RUSC2: variants seen among roughly 807,000 people sequenced by gnomAD.
The protein encoded by RUSC2 is RUN and SH3 domain containing 2.
RUSC2 carries 34 observed loss-of-function variants against 122.2 expected under a neutral mutation model. The observed-to-expected ratio is 0.28, with a 90% confidence interval of 0.21 to 0.37. RUSC2 has a LOEUF of 0.37. Among genes scored for constraint, RUSC2 ranks in the 10% least tolerant of loss-of-function variants. RUSC2 has a pLI of 1.00. For missense variants in RUSC2, 1,747 were observed against 1,952.4 expected, an observed-to-expected ratio of 0.89 and a Z score of 1.98; for synonymous variants, 784 against 790.0, an observed-to-expected ratio of 0.99 and a Z score of 0.13.
At chr9:35,528,649 G>A (rs1412880878) in intron 1 of RUSC2, among the ~76,000 whole-genome samples, 2 of 151,962 alleles carry the variant, frequency 1.3e-5, no homozygotes, top group South Asian at 2.1e-4. Context: ...TAGGACCATA[G>A]GCATGTGCCA....
At chr9:35,551,169 T>C (rs1821886073) in intron 2 of RUSC2, among the ~76,000 whole-genome samples, 2 of 151,990 alleles carry the variant, frequency 1.3e-5, no homozygotes, top group African/African-American at 4.8e-5. Flanking sequence ...AGAAATCACC[T>C]AAGATAATGA....
chr9:35,555,246 T>C lies in RUSC2; in HGVS notation c.2201T>C (p.Leu734Pro). The C allele has an allele frequency of 6.2e-7, 1 of 1,613,182 alleles. No individual in the cohort carries two copies. The highest frequency in any genetic ancestry group is 1.7e-4 in the Middle Eastern group (1 of 6,060). ...GCSRTQQPAP[L>P]AAPAAQVSVP... Reference sequence around the variant, plus strand: ...AGCCGTACACAGCAGCCTGCCCCACTGGCTGCCCCTGCTGCTCAAGTCTCA... The same window carrying C: ...AGCCGTACACAGCAGCCTGCCCCACCGGCTGCCCCTGCTGCTCAAGTCTCA... Residue 734 changes from leucine to proline, a missense_variant, in exon 3 of 12, where the codon CTG (leucine) becomes CCG (proline). Coordinates refer to ENST00000361226, the MANE Select transcript of RUSC2 (RefSeq NM_014806.5). The surrounding 1 kb of genome is among the most constrained non-coding windows in gnomAD (Gnocchi z 4.6).
At chr9:35,554,926 C>T (rs1249859718) in intron 2 of RUSC2, 134 bp from the exon 3 acceptor site, 3 of 969,150 alleles carry the variant, frequency 3.1e-6, no homozygotes, top group South Asian at 1.4e-5. Context: ...TCCCATTCCA[C>T]GAACTTCTAC....
At position 35,546,971 on chromosome 9, in the gene RUSC2, A is replaced by T. The variant is rs745598972; in HGVS notation, c.450A>T (p.Pro150=). ...NFHLSSFQLP[P]SGPRVGRPWG... is the part of the protein sequence containing the mutation. ...ATCTATCCTCTTTCCAGCTGCCACC[A>T]TCTGGCCCCAGAGTGGGCAGGCCAT... is the stretch of plus-strand genomic sequence containing the variant. The change falls in exon 2 of 12, where the codon CCA becomes CCT. Residue 150 remains proline (P), a synonymous_variant. Transcript: ENST00000361226. The surrounding 1 kb of genome is among the most constrained non-coding windows in gnomAD (Gnocchi z 4.3). 2.5e-6 allele frequency: 4 copies of T among 1,585,586 alleles called. No individual in the cohort carries two copies. Among genetic ancestry groups the T allele is most frequent in the South Asian group, 1.2e-5 (1 of 85,746 alleles).
Position 35,560,973 on chromosome 9 carries a change from T to A in RUSC2, c.4225T>A (p.Trp1409Arg). The A allele has an allele frequency of 6.2e-7, 1 of 1,614,118 alleles. No individual in the cohort carries two copies. Among genetic ancestry groups the A allele is most frequent in the Non-Finnish European group, 8.5e-7 (1 of 1,179,978 alleles). ...ARPTNRLPSD[W>R]LSLDKSMFQL... ...TGCTGTCCCTAGGCTCCCCTCGGAC[T>A]GGCTGAGCCTGGACAAGTCCATGTT... The change falls in exon 11 of 12, where the codon TGG becomes AGG. Residue 1409 changes from tryptophan (W) to arginine (R), a missense_variant. Transcript: ENST00000361226.
In RUSC2 at chr9:35,557,908, C is replaced by T; in HGVS notation, c.2984-6C>T. On this transcript the variant is annotated splice_polypyrimidine_tract_variant and splice_region_variant and intron_variant, in intron 5 of 11. Transcript: ENST00000361226. The surrounding 1 kb of genome is among the most constrained non-coding windows in gnomAD (Gnocchi z 4.6). ...GGGACCTGTCACATCACATTCTTCC[C>T]TGCAGGGCTGGTAAAAGCTGTTAAC... 6.2e-7 allele frequency: 1 copy of T among 1,614,004 alleles called. No homozygotes were observed. Among genetic ancestry groups the T allele is most frequent in the African/African-American group, 1.3e-5 (1 of 75,062 alleles).
chr9:35,552,815 G>A (rs1821927376), intron 2 of RUSC2, among the ~76,000 whole-genome samples: 1 of 152,194 alleles, frequency 6.6e-6, no homozygotes, highest in African/African-American at 2.4e-5. Context: ...ATAGAAAAGT[G>A]AGAAAACTTA....
intron 1 of RUSC2, among the ~76,000 whole-genome samples, chr9:35,539,583 G>A: frequency 7.7e-6 from 1 of 129,796 alleles, no homozygotes; most frequent in Non-Finnish European, 1.7e-5. Context: ...ATGCATGCAT[G>A]CATGCACATA....
Position 35,561,234 on chromosome 9 carries a change from T to G in RUSC2, c.4403T>G (p.Phe1468Cys). 1.2e-6 allele frequency: 2 copies of G among 1,614,152 alleles called. No homozygotes were observed. The highest frequency in any genetic ancestry group is 1.7e-6 in the Non-Finnish European group (2 of 1,180,004). ...HLATGPGQLSFHKGDILRVLG... is the reference protein window; with the variant it reads ...HLATGPGQLSCHKGDILRVLG... ...GCCACCGGCCCTGGACAGCTGAGCT[T>G]CCACAAAGGAGACATCCTACGAGTG... is the stretch of plus-strand genomic sequence containing the variant. Residue 1468 changes from phenylalanine (F) to cysteine (C), a missense_variant, in exon 12 of 12, where the codon TTC becomes TGC. Coordinates refer to ENST00000361226, the MANE Select transcript of RUSC2 (RefSeq NM_014806.5).
chr9:35,524,707 C>T (rs1054914390), intron 1 of RUSC2, among the ~76,000 whole-genome samples: 1 of 152,138 alleles, frequency 6.6e-6, no homozygotes, highest in African/African-American at 2.4e-5. Flanking sequence ...TGCAGTGGCT[C>T]ACGCCTGTAA....
At chr9:35,495,030 T>TATATATACTATATTATATATA (rs1820656396) in intron 1 of RUSC2, among the ~76,000 whole-genome samples, 1 of 86,742 alleles carries the variant, frequency 1.2e-5, no homozygotes, top group Non-Finnish European at 2.2e-5. Flanking sequence ...TTTTATATAT[T>TATATATACTATATTATATATA]ATATATACTA....
chr9:35,527,298 CTGCTTGCT>C (rs371414353), intron 1 of RUSC2, among the ~76,000 whole-genome samples: 105 of 151,964 alleles, frequency 6.9e-4, no homozygotes, highest in African/African-American at 2.2e-3. Flanking sequence ...CCACCACATT[CTGCTTGCT>C]TGCTTGCTTG....
At chr9:35,524,194 A>G (rs974874263) in intron 1 of RUSC2, among the ~76,000 whole-genome samples, 5 of 152,014 alleles carry the variant, frequency 3.3e-5, no homozygotes, top group African/African-American at 7.3e-5. Context: ...CATGGGGCAC[A>G]TGCCTGTAAT....
At chr9:35,511,268 G>T (rs938999261) in intron 1 of RUSC2, among the ~76,000 whole-genome samples, 16 of 152,212 alleles carry the variant, frequency 1.1e-4, no homozygotes, top group Admixed American at 3.3e-4. Flanking sequence ...AGACTGTGAG[G>T]TTAAAGGGGG....
rs1228302911 is a variant in RUSC2, at chr9:35,547,520, G to A, written c.999G>A (p.Met333Ile). The change falls in exon 2 of 12, where the codon ATG (methionine) becomes ATA (isoleucine). Residue 333 changes from methionine (M) to isoleucine (I), a missense_variant. Coordinates refer to ENST00000361226, the MANE Select transcript of RUSC2 (RefSeq NM_014806.5). The surrounding 1 kb of genome is among the most constrained non-coding windows in gnomAD (Gnocchi z 4.6). ...AGCCCTCCCCATTTGAGTCTAAGATGTCTTATGAGTCCCATCACCCTGAAA... is the reference window on the plus strand; with the variant it reads ...AGCCCTCCCCATTTGAGTCTAAGATATCTTATGAGTCCCATCACCCTGAAA... ...DLQPSPFESK[M>I]SYESHHPESG... 1.9e-6 allele frequency: 3 copies of A among 1,614,142 alleles called. No homozygotes were observed. The highest frequency in any genetic ancestry group is 1.7e-6 in the Non-Finnish European group (2 of 1,180,030).
rs1178108552 is a variant in RUSC2 at position 35,561,324 on chromosome 9, T to G, written c.4493T>G (p.Leu1498Arg). 2 of 1,614,118 alleles carry G rather than the reference T, an allele frequency of 1.2e-6. No individual in the cohort carries two copies. The part of the protein sequence containing the change: ...SRGPDSGLVP[L>R]AYVTLTPTPS... ...GGCCCCGACTCTGGCCTGGTGCCCC[T>G]GGCCTACGTGACATTGACCCCAACT... The change falls in exon 12 of 12, where the codon CTG becomes CGG. Residue 1498 changes from leucine to arginine, a missense_variant. Physicochemically the swap from Leu to Arg is moderately radical, Grantham distance 102. Transcript: ENST00000361226.
chr9:35,495,571 G>C (rs980362617), intron 1 of RUSC2, among the ~76,000 whole-genome samples: 3 of 151,976 alleles, frequency 2.0e-5, no homozygotes, highest in Non-Finnish European at 4.4e-5. Flanking sequence ...GATTACTGTA[G>C]CTTTGTAGTA....
chr9:35,534,767 G>A (rs1821490191), intron 1 of RUSC2, among the ~76,000 whole-genome samples: 1 of 152,112 alleles, frequency 6.6e-6, no homozygotes, highest in Non-Finnish European at 1.5e-5. Flanking sequence ...ACAGGTGTGA[G>A]CCACCATGCC....
chr9:35,526,118 T>C (rs888999106), intron 1 of RUSC2, among the ~76,000 whole-genome samples: 2 of 152,146 alleles, frequency 1.3e-5, no homozygotes, highest in Admixed American at 1.3e-4. Context: ...AGGGGGCATA[T>C]GTTTCCCCTA....
Sources: gnomAD v4.1 joint callset for allele counts (sites outside exome capture counted in the v4.1 genomes callset) on GRCh38, gnomAD v4.1.1 for gene constraint, Gnocchi (gnomAD v3.1) non-coding constraint, MANE v1.5 for transcripts, NCBI Gene and HGNC (gene_info 2026-07-23, HGNC 2026-07-21) for gene names.